Variants in UBIAD1 observed in about 807,000 individuals in gnomAD.
The protein encoded by UBIAD1 is ubiA prenyltransferase domain-containing protein 1.
A neutral mutation model predicts 20.1 loss-of-function variants in UBIAD1; 12 were observed. That is an observed-to-expected ratio of 0.60 (90% confidence interval 0.38 to 0.97). UBIAD1 has a LOEUF of 0.97. Ranked by LOEUF, UBIAD1 falls within the 50% of genes least tolerant of loss-of-function variation. The pLI, the probability that UBIAD1 is intolerant of heterozygous loss-of-function variation, is 0.00. For synonymous variants in UBIAD1, 207 were observed against 189.2 expected (o/e 1.09, Z -0.77); for missense variants, 333 against 419.5 (o/e 0.79, Z 1.80).
At position 11,274,035 on chromosome 1, in the gene UBIAD1, G is replaced by C; in HGVS notation, c.504G>C (p.Leu168=). ...EHLALIYFGG[L]SGSFLYTGGI... ...TGGCTCTTATCTACTTTGGAGGCCTGTCTGGCTCCTTTCTCTACACAGGAG... is the reference window on the plus strand; with the variant it reads ...TGGCTCTTATCTACTTTGGAGGCCTCTCTGGCTCCTTTCTCTACACAGGAG... Residue 168 remains leucine, a synonymous_variant, in exon 1 of 2, where the codon CTG becomes CTC. Transcript: ENST00000376810. 2 of 1,614,146 alleles carry C rather than the reference G, an allele frequency of 1.2e-6. No individual in the cohort carries two copies. Among genetic ancestry groups the C allele is most frequent in the Admixed American group, 1.7e-5 (1 of 60,012 alleles).
downstream of UBIAD1, among the ~76,000 whole-genome samples, chr1:11,291,606 CAAAA>C (rs771883369): frequency 1.8e-5 from 1 of 56,368 alleles, no homozygotes; most frequent in Non-Finnish European, 4.0e-5. Context: ...GACTTCATCT[CAAAA>C]AAAAAAAAAA....
At chr1:11,279,902 C>T (rs1393097241) in intron 1 of UBIAD1, among the ~76,000 whole-genome samples, 2 of 152,056 alleles carry the variant, frequency 1.3e-5, no homozygotes, top group Non-Finnish European at 2.9e-5. Context: ...CTGGTCTGAG[C>T]CCTGGGACAC....
At chr1:11,277,053 A>G (rs1027068137) in intron 1 of UBIAD1, among the ~76,000 whole-genome samples, 1 of 152,038 alleles carries the variant, frequency 6.6e-6, no homozygotes, top group African/African-American at 2.4e-5. Context: ...CCTGGCCAGC[A>G]TGGTGAAACC....
Position 11,285,039 on chromosome 1 carries a change from C to T in UBIAD1, c.530-605C>T, listed in dbSNP as rs971197165. On this transcript the variant is annotated intron_variant, in intron 1 of 1. Transcript: ENST00000376810. The surrounding 1 kb of genome is among the most constrained non-coding windows in gnomAD (Gnocchi z 4.4). ...ACAGGAGGTAGGGGTGGTTTAGTTTCAATCTCATAGGAGACAGAGGAGGAA... is the reference window on the plus strand; with the variant it reads ...ACAGGAGGTAGGGGTGGTTTAGTTTTAATCTCATAGGAGACAGAGGAGGAA... 2.0e-5 allele frequency among the ~76,000 whole-genome samples: 3 copies of T among 152,150 alleles called. No individual in the cohort carries two copies. Among genetic ancestry groups the T allele is most frequent in the African/African-American group, 7.2e-5 (3 of 41,446 alleles).
chr1:11,279,979 T>A (rs1275356862), intron 1 of UBIAD1, among the ~76,000 whole-genome samples: 1 of 151,094 alleles, frequency 6.6e-6, no homozygotes, highest in Non-Finnish European at 1.5e-5. Flanking sequence ...TCCAGAGGAG[T>A]AAGAGGAAAA....
chr1:11,277,087 A>G (rs1371174985), intron 1 of UBIAD1, among the ~76,000 whole-genome samples: 1 of 151,964 alleles, frequency 6.6e-6, no homozygotes, highest in Non-Finnish European at 1.5e-5. Flanking sequence ...AAATACAAAA[A>G]TAAGCTGGGC....
intron 1 of UBIAD1, among the ~76,000 whole-genome samples, chr1:11,283,707 G>A (rs1652319291): frequency 6.6e-6 from 1 of 152,050 alleles, no homozygotes; most frequent in South Asian, 2.1e-4. Flanking sequence ...AACTTGGACT[G>A]GATCTTGTTC....
At chr1:11,290,278 T>C (rs967694436), downstream of UBIAD1, among the ~76,000 whole-genome samples, 2 of 152,234 alleles carry the variant, frequency 1.3e-5, no homozygotes, top group Admixed American at 1.3e-4. Context: ...CCAGAACTCC[T>C]GGCCTCTGTG....
downstream of UBIAD1, chr1:11,295,849 A>T (rs1430008511): frequency 6.6e-6 from 1 of 152,280 alleles, no homozygotes; most frequent in Non-Finnish European, 1.5e-5. Context: ...GAGGACACAC[A>T]GTGAACTAAT....
At chr1:11,274,282 ATTTATT>A (rs1291970331) in intron 1 of UBIAD1, among the ~76,000 whole-genome samples, 1 of 152,148 alleles carries the variant, frequency 6.6e-6, no homozygotes, top group Non-Finnish European at 1.5e-5. Flanking sequence ...TTATATGGAC[ATTTATT>A]TTTATTTATT....
At chr1:11,297,351 A>G (rs1299814962), downstream of UBIAD1, among the ~76,000 whole-genome samples, 1 of 152,142 alleles carries the variant, frequency 6.6e-6, no homozygotes, top group African/African-American at 2.4e-5. Flanking sequence ...CTATCTATGA[A>G]CCAGAAAGTG....
downstream of UBIAD1, among the ~76,000 whole-genome samples, chr1:11,298,710 G>T (rs937086739): frequency 4.6e-5 from 7 of 152,214 alleles, no homozygotes; most frequent in Non-Finnish European, 1.0e-4. This position sits in a 1 kb window ranked among gnomAD's most constrained non-coding sequence, Gnocchi z 4.0. Flanking sequence ...TGGGTATTCA[G>T]TAGGTGCTGA....
rs140612649 is a variant in UBIAD1 at position 11,273,829 on chromosome 1, T to G, written c.298T>G (p.Leu100Val). ...CCTGGCTGTGCACGGGGCCGGTAAT[T>G]TGGTCAACACTTACTATGACTTTTC... ...AVLAVHGAGN[L>V]VNTYYDFSKG... Residue 100 changes from leucine (L) to valine (V), a missense_variant, in exon 1 of 2, where the codon TTG (leucine) becomes GTG (valine). Leu to Val is a conservative substitution (Grantham distance 32). Coordinates refer to ENST00000376810, the MANE Select transcript of UBIAD1 (RefSeq NM_013319.3). This position sits in a 1 kb window ranked among gnomAD's most constrained non-coding sequence, Gnocchi z 4.9. 439 of 1,614,210 alleles carry G rather than the reference T, an allele frequency of 2.7e-4. No individual in the cohort carries two copies. Among genetic ancestry groups the G allele is most frequent in the Non-Finnish European group, 2.7e-4 (323 of 1,180,040 alleles).
Position 11,288,209 on chromosome 1 carries a change from G to A in UBIAD1, c.*2078G>A, listed in dbSNP as rs1367683554. ...GGCAGGAGGACCAAGGGCTCCCTGC[G>A]TCCACGGACCACGTATGCCTTGGTG... On this transcript the variant is annotated 3_prime_UTR_variant, in exon 2 of 2. Transcript: ENST00000376810. 5 of 152,186 alleles carry A rather than the reference G, an allele frequency of 3.3e-5. No individual in the cohort carries two copies. Among genetic ancestry groups the A allele is most frequent in the Non-Finnish European group, 7.3e-5 (5 of 68,068 alleles). The allele number at this position is 152,186 out of a possible 1,614,324, so 9.4% of individuals were successfully genotyped here. A position where few individuals can be genotyped will look rare whatever the true frequency, so the allele number is the denominator to read the frequency against.
intron 1 of UBIAD1, among the ~76,000 whole-genome samples, chr1:11,283,651 G>C (rs993371729): frequency 1.3e-5 from 2 of 152,044 alleles, no homozygotes; most frequent in Non-Finnish European, 2.9e-5. Flanking sequence ...AAGAACTAAG[G>C]GTGTGTATTT....
downstream of UBIAD1, among the ~76,000 whole-genome samples, chr1:11,298,705 A>T (rs1394699378): frequency 6.6e-6 from 1 of 152,192 alleles, no homozygotes; most frequent in African/African-American, 2.4e-5. The surrounding 1 kb of genome is among the most constrained non-coding windows in gnomAD (Gnocchi z 4.0). Flanking sequence ...TATCCTGGGT[A>T]TTCAGTAGGT....
At position 11,280,942 on chromosome 1, in the gene UBIAD1, G is replaced by T. The variant is rs538621073; in HGVS notation, c.530-4702G>T. ...CATCTTGCTCAGAGTAAAGGCCAGG[G>T]TCTTTACAGTGACTCCCTAGGGCCC... On this transcript the variant is annotated intron_variant, in intron 1 of 1. Coordinates refer to ENST00000376810, the MANE Select transcript of UBIAD1 (RefSeq NM_013319.3). Among the ~76,000 whole-genome samples, 75 of 152,212 alleles carry T rather than the reference G, an allele frequency of 4.9e-4. 1 individual carries two copies. The highest frequency in any genetic ancestry group is 1.7e-3 in the African/African-American group (69 of 41,528).
At chr1:11,297,310 TTCC>T (rs1250975564), downstream of UBIAD1, among the ~76,000 whole-genome samples, 2 of 152,176 alleles carry the variant, frequency 1.3e-5, no homozygotes, top group African/African-American at 4.8e-5. Context: ...GCCTTGCTCC[TTCC>T]TCCATGGGAG....
chr1:11,285,855 G>T lies in UBIAD1; in HGVS notation c.741G>T (p.Thr247=), dbSNP rs758497514. 1.2e-6 allele frequency: 2 copies of T among 1,614,108 alleles called. No individual in the cohort carries two copies. Among genetic ancestry groups the T allele is most frequent in the Non-Finnish European group, 8.5e-7 (1 of 1,180,016 alleles). The change falls in exon 2 of 2, where the codon ACG becomes ACT. Residue 247 remains threonine, a synonymous_variant. Coordinates refer to ENST00000376810, the MANE Select transcript of UBIAD1 (RefSeq NM_013319.3). This position sits in a 1 kb window ranked among gnomAD's most constrained non-coding sequence, Gnocchi z 4.4. ...CCGACCGGGAGGCTGGTATCGTCAC[G>T]CTGGCCATCCTCATCGGCCCCACGT... ...MESDREAGIV[T]LAILIGPTFS...
Sources: gnomAD v4.1 joint callset for allele counts (sites outside exome capture counted in the v4.1 genomes callset) on GRCh38, gnomAD v4.1.1 for gene constraint, Gnocchi (gnomAD v3.1) non-coding constraint, MANE v1.5 for transcripts, NCBI Gene and HGNC (gene_info 2026-07-23, HGNC 2026-07-21) for gene names.